Variants in CLNK observed in about 807,000 individuals in gnomAD.
The protein encoded by CLNK is cytokine dependent hematopoietic cell linker, also known as cytokine-dependent hematopoietic cell linker.
Under a neutral mutation model 68.6 loss-of-function variants are expected in CLNK, and 74 were observed. The observed-to-expected ratio is 1.08, with a 90% CI of 0.89 to 1.31. The LOEUF (loss-of-function observed/expected upper bound fraction) is 1.31. Among genes scored for constraint, CLNK ranks in the 50% most tolerant of loss-of-function variants. The probability of loss-of-function intolerance (pLI) is 0.00; values close to 1 mark genes in which losing one functional copy is unlikely to be tolerated. For synonymous variants in CLNK, 198 were observed against 172.2 expected (o/e 1.15, Z -1.17); for missense variants, 553 against 515.3 (o/e 1.07, Z -0.71).
intron 2 of CLNK, among the ~76,000 whole-genome samples, chr4:10,633,622 C>T (rs545181673): frequency 1.3e-5 from 2 of 152,318 alleles, no homozygotes; most frequent in Non-Finnish European, 2.9e-5. Flanking sequence ...TGTCTATCTG[C>T]AAGGTCTCCA....
chr4:10,607,023 C>A (rs1478243184), intron 2 of CLNK, among the ~76,000 whole-genome samples: 1 of 152,156 alleles, frequency 6.6e-6, no homozygotes, highest in Admixed American at 6.5e-5. Context: ...GATGAGAAAA[C>A]CATGGTTCAG....
Position 10,681,359 on chromosome 4 carries a change from C to G in CLNK, c.-43+3309G>C, listed in dbSNP as rs371622276. Among the ~76,000 whole-genome samples, 13 of 152,258 alleles carry G rather than the reference C, an allele frequency of 8.5e-5. No homozygotes were observed. The East Asian group carries it at 9.7e-4, about 11-fold the overall frequency. On this transcript the variant is annotated intron_variant, in intron 1 of 18. Transcript: ENST00000226951. ...TGGTGAAATGTGGTCCTTAGGCAGT[C>G]CACAAAAATTCAGCCCTCTCAGAGT...
chr4:10,532,104 T>C, intron 12 of CLNK, 152 bp downstream of exon 12: 1 of 710,036 alleles, frequency 1.4e-6, no homozygotes, highest in Non-Finnish European at 2.5e-6. Context: ...TTTGGCTTTC[T>C]TATCTTTAAA....
chr4:10,609,329 C>T (rs1226671218), intron 2 of CLNK, among the ~76,000 whole-genome samples: 1 of 152,198 alleles, frequency 6.6e-6, no homozygotes, highest in Non-Finnish European at 1.5e-5. Context: ...GTCAGAACTC[C>T]TTATTGGTCA....
intron 4 of CLNK, among the ~76,000 whole-genome samples, chr4:10,577,055 G>T (rs2108831826): frequency 6.6e-6 from 1 of 152,294 alleles, no homozygotes; most frequent in East Asian, 1.9e-4. Flanking sequence ...TTCCCAGTGG[G>T]TCCCATGGTG....
intron 18 of CLNK, among the ~76,000 whole-genome samples, chr4:10,494,825 T>C (rs959320883): frequency 6.6e-6 from 1 of 152,218 alleles, no homozygotes; most frequent in Non-Finnish European, 1.5e-5. Context: ...GAAGAGACTT[T>C]TTAAAAAGAT....
chr4:10,555,264 G>GAAGTTTCA (rs1577126540), intron 8 of CLNK, among the ~76,000 whole-genome samples: 1 of 151,888 alleles, frequency 6.6e-6, no homozygotes, highest in East Asian at 1.9e-4. Context: ...TCTTGTATAT[G>GAAGTTTCA]GTATGCTTGT....
intron 2 of CLNK, among the ~76,000 whole-genome samples, chr4:10,666,375 T>A (rs1342559279): frequency 6.6e-6 from 1 of 152,220 alleles, no homozygotes; most frequent in Non-Finnish European, 1.5e-5. Flanking sequence ...GCCACGTTTA[T>A]CCCCAGTGCT....
chr4:10,662,868 A>G (rs1693939160), intron 2 of CLNK, among the ~76,000 whole-genome samples: 1 of 152,218 alleles, frequency 6.6e-6, no homozygotes, highest in Admixed American at 6.5e-5. Flanking sequence ...AGACAATTTC[A>G]CCAATGAACA....
intron 3 of CLNK, among the ~76,000 whole-genome samples, chr4:10,591,632 G>A (rs545488392): frequency 3.3e-5 from 5 of 152,346 alleles, no homozygotes; most frequent in African/African-American, 1.2e-4. Context: ...TCTATACCTG[G>A]ACCTGTCCTA....
the CLNK span, among the ~76,000 whole-genome samples, chr4:10,713,874 A>G: frequency 2.1e-4 from 32 of 152,242 alleles, no homozygotes; most frequent in Admixed American, 1.9e-3. Flanking sequence ...TTCTTTACCA[A>G]TTGTCAGATC....
the CLNK span, among the ~76,000 whole-genome samples, chr4:10,707,962 G>A: frequency 3.3e-5 from 5 of 152,172 alleles, no homozygotes; most frequent in Non-Finnish European, 7.3e-5. Context: ...GAGAGAGCTA[G>A]AAGTTTCCTA....
intron 13 of CLNK, among the ~76,000 whole-genome samples, chr4:10,527,756 GC>G (rs1401888012): frequency 1.3e-5 from 2 of 152,174 alleles, no homozygotes; most frequent in African/African-American, 4.8e-5. Flanking sequence ...GATCCCAAGA[GC>G]TTTTTTGGAG....
intron 8 of CLNK, among the ~76,000 whole-genome samples, chr4:10,550,511 T>TA (rs1369652201): frequency 6.6e-6 from 1 of 151,928 alleles, no homozygotes; most frequent in Non-Finnish European, 1.5e-5. Flanking sequence ...AATAAATAAA[T>TA]AAAAAATTAC....
chr4:10,534,605 G>C (rs1560205169), intron 11 of CLNK, among the ~76,000 whole-genome samples: 2 of 152,190 alleles, frequency 1.3e-5, no homozygotes, highest in Non-Finnish European at 2.9e-5. Flanking sequence ...GAAGAGAATT[G>C]CTGAAGATTC....
intron 4 of CLNK, among the ~76,000 whole-genome samples, chr4:10,578,579 CTTTTTTTTTTTTT>C (rs5856062): frequency 4.5e-5 from 2 of 44,924 alleles, no homozygotes; most frequent in Admixed American, 3.5e-4. Context: ...CTTACCTTAT[CTTTTTTTTTTTTT>C]TTTTTTTTTT....
the CLNK span, among the ~76,000 whole-genome samples, chr4:10,712,316 GGGTGGTGGTGGT>G: frequency 6.6e-6 from 1 of 151,980 alleles, no homozygotes; most frequent in Non-Finnish European, 1.5e-5. Flanking sequence ...ATCAGGGGTG[GGGTGGTGGTGGT>G]GGTGGTGAAA....
intron 2 of CLNK, among the ~76,000 whole-genome samples, chr4:10,655,009 G>A (rs2108884751): frequency 6.7e-6 from 1 of 150,072 alleles, no homozygotes; most frequent in South Asian, 2.1e-4. Flanking sequence ...GCTGAGGCAG[G>A]AGAATGGCGT....
chr4:10,667,153 A>C (rs1724431332), intron 2 of CLNK, among the ~76,000 whole-genome samples: 3 of 152,188 alleles, frequency 2.0e-5, no homozygotes, highest in African/African-American at 7.2e-5. Context: ...AGGGAGTTAA[A>C]GTAGGTCTGG....
Sources: allele counts gnomAD v4.1 joint callset (sites outside exome capture counted in the v4.1 genomes callset), GRCh38; gene constraint gnomAD v4.1.1; transcripts MANE v1.5; gene names NCBI Gene and HGNC (gene_info 2026-07-23, HGNC 2026-07-21).